Variants in FCGR2A observed in about 807,000 individuals in gnomAD.
The protein encoded by FCGR2A is low affinity immunoglobulin gamma Fc region receptor II-a.
FCGR2A carries 18 observed loss-of-function variants against 29.3 expected under a neutral mutation model. The observed-to-expected ratio is 0.62, with a 90% CI of 0.43 to 0.91. The LOEUF (loss-of-function observed/expected upper bound fraction) is 0.91, where lower values mean the gene tolerates loss of function less well. Among genes scored for constraint, FCGR2A ranks in the 40% least tolerant of loss-of-function variants. The probability of loss-of-function intolerance (pLI) is 0.00; values close to 1 mark genes in which losing one functional copy is unlikely to be tolerated. For missense variants in FCGR2A, 287 were observed against 393.0 expected, an observed-to-expected ratio of 0.73 and a Z score of 2.28; for synonymous variants, 126 against 144.8, an observed-to-expected ratio of 0.87 and a Z score of 0.93.
At chr1:161,513,143 T>C (rs1447526488) in intron 5 of FCGR2A, 1 of 150,644 alleles carries the variant, frequency 6.6e-6, no homozygotes, top group Admixed American at 6.6e-5. Flanking sequence ...AGATGCATTG[T>C]CTCAGATGTC....
At chr1:161,523,892 G>C (rs1012032638), downstream of FCGR2A, 1 of 152,080 alleles carries the variant, frequency 6.6e-6, no homozygotes, top group African/African-American at 2.4e-5. Context: ...TGGCAGGCGA[G>C]AATTCTACCA....
At chr1:161,520,626 A>C (rs1275195931), downstream of FCGR2A, among the ~76,000 whole-genome samples, 4 of 151,038 alleles carry the variant, frequency 2.6e-5, no homozygotes, top group African/African-American at 4.9e-5. Context: ...GCTTCTCAGT[A>C]TTCTACTCCT....
chr1:161,520,852 A>G (rs866919568), downstream of FCGR2A, among the ~76,000 whole-genome samples: 1 of 151,936 alleles, frequency 6.6e-6, no homozygotes, highest in East Asian at 1.9e-4. Context: ...AGCTTTTCCA[A>G]TATTCTACAG....
chr1:161,507,427 T>G (rs1381886815), intron 3 of FCGR2A, among the ~76,000 whole-genome samples: 1 of 152,230 alleles, frequency 6.6e-6, no homozygotes, highest in Non-Finnish European at 1.5e-5. Context: ...CTGGCTTAGA[T>G]ACTGTTTCTA....
At chr1:161,508,355 G>A (rs1445282976) in intron 3 of FCGR2A, among the ~76,000 whole-genome samples, 2 of 151,282 alleles carry the variant, frequency 1.3e-5, no homozygotes, top group African/African-American at 4.9e-5. Context: ...TTGGGAGGAC[G>A]AGGTGGATGG....
chr1:161,506,184 A>G, intron 2 of FCGR2A, 150 bp from the exon 3 acceptor site: 1 of 1,280,020 alleles, frequency 7.8e-7, no homozygotes, highest in African/African-American at 1.5e-5. Flanking sequence ...TCCACTGAAG[A>G]CCCAAGGGAA....
At chr1:161,507,041 G>A (rs1675462621) in intron 3 of FCGR2A, among the ~76,000 whole-genome samples, 1 of 152,176 alleles carries the variant, frequency 6.6e-6, no homozygotes, top group African/African-American at 2.4e-5. Flanking sequence ...GGTCAGAGGT[G>A]AGGGGAGGGT....
chr1:161,522,489 A>G (rs1676493215), downstream of FCGR2A, among the ~76,000 whole-genome samples: 1 of 151,976 alleles, frequency 6.6e-6, no homozygotes, highest in Non-Finnish European at 1.5e-5. Flanking sequence ...AGAAGGTTGG[A>G]GGAGCCCACA....
At chr1:161,520,582 G>A (rs1676413372), downstream of FCGR2A, among the ~76,000 whole-genome samples, 2 of 151,290 alleles carry the variant, frequency 1.3e-5, no homozygotes, top group Admixed American at 1.3e-4. Context: ...GTTAAATCCT[G>A]CTTTTACATT....
downstream of FCGR2A, chr1:161,522,797 C>T (rs12129787): frequency 0.32 from 48,376 of 151,748 alleles, 7,877 homozygotes; most frequent in East Asian, 0.4. Context: ...CTTACCAGTA[C>T]GGCTGATCCT....
At chr1:161,505,645 T>C (rs1675338578) in intron 1 of FCGR2A, 93 bp downstream of exon 1, 1 of 1,022,690 alleles carries the variant, frequency 9.8e-7, no homozygotes. Context: ...GCCTGGGCCC[T>C]GGAAGCAGGG....
chr1:161,521,799 G>A (rs1407178957), downstream of FCGR2A, among the ~76,000 whole-genome samples: 2 of 152,196 alleles, frequency 1.3e-5, no homozygotes, highest in South Asian at 2.1e-4. Context: ...TCCCAGCCAC[G>A]TGGAACTGTA....
At chr1:161,513,714 G>T (rs1268836492) in intron 5 of FCGR2A, among the ~76,000 whole-genome samples, 181 bp from the exon 6 acceptor site, 2 of 152,196 alleles carry the variant, frequency 1.3e-5, no homozygotes, top group African/African-American at 4.8e-5. Flanking sequence ...CTTGTGGCTG[G>T]GTGACCCCAA....
At chr1:161,505,618 A>G in intron 1 of FCGR2A, 66 bp downstream of exon 1, 1 of 1,306,886 alleles carries the variant, frequency 7.7e-7, no homozygotes, top group South Asian at 1.2e-5. Context: ...TCCAGGTACC[A>G]GTGTGGTAAG....
chr1:161,521,000 T>C (rs1238104388), downstream of FCGR2A, among the ~76,000 whole-genome samples: 1 of 150,894 alleles, frequency 6.6e-6, no homozygotes, highest in Non-Finnish European at 1.5e-5. Flanking sequence ...TTCCTGTTTC[T>C]GGAATGTTCT....
chr1:161,508,386 C>T (rs1162341627), intron 3 of FCGR2A, among the ~76,000 whole-genome samples: 3 of 150,894 alleles, frequency 2.0e-5, no homozygotes, highest in Admixed American at 6.6e-5. Context: ...GTCGGGAGTT[C>T]GAGACCAGCC....
downstream of FCGR2A, among the ~76,000 whole-genome samples, chr1:161,521,717 C>T (rs1236480750): frequency 6.6e-6 from 1 of 151,948 alleles, no homozygotes; most frequent in Non-Finnish European, 1.5e-5. Context: ...AGTTTCCCTG[C>T]ACAAGCTCTC....
chr1:161,510,925 C>T lies in FCGR2A; in HGVS notation c.711C>T (p.Ala237=). The change falls in exon 5 of 7, where the codon GCC becomes GCT. Residue 237 remains alanine (A), a synonymous_variant. Coordinates refer to ENST00000271450, the MANE Select transcript of FCGR2A (RefSeq NM_001136219.3). ...AVAAIVAAVV[A]LIYCRKKRIS... is the part of the protein sequence containing the mutation. ...CAGCCATTGTTGCTGCTGTAGTGGC[C>T]TTGATCTACTGCAGGAAAAAGCGGA... 4 of 1,614,162 alleles carry T rather than the reference C, an allele frequency of 2.5e-6. No individual in the cohort carries two copies. The highest frequency in any genetic ancestry group is 3.4e-6 in the Non-Finnish European group (4 of 1,180,020).
chr1:161,524,012 GA>G (rs1411851480), downstream of FCGR2A: 1 of 155,188 alleles, frequency 6.4e-6, no homozygotes, highest in Non-Finnish European at 1.4e-5. Flanking sequence ...TCGCGGTTTG[GA>G]AAATATTTTG....
Sources: gnomAD v4.1 joint callset for allele counts (sites outside exome capture counted in the v4.1 genomes callset) on GRCh38, gnomAD v4.1.1 for gene constraint, MANE v1.5 for transcripts, NCBI Gene and HGNC (gene_info 2026-07-23, HGNC 2026-07-21) for gene names.